Variants in SPRED2 observed in about 807,000 individuals in gnomAD.
The protein encoded by SPRED2 is sprouty-related, EVH1 domain-containing protein 2.
Under a neutral mutation model 43.0 loss-of-function variants are expected in SPRED2, and 47 were observed. The observed-to-expected ratio is 1.09, with a 90% CI of 0.87 to 1.40. The LOEUF (loss-of-function observed/expected upper bound fraction) is 1.40. SPRED2 is among the 40% of genes most tolerant of loss of function. SPRED2 has a pLI of 0.00. For synonymous variants in SPRED2, 225 were observed against 225.7 expected, an observed-to-expected ratio of 1.00 and a Z score of 0.03; for missense variants, 561 against 586.4, an observed-to-expected ratio of 0.96 and a Z score of 0.45.
intron 1 of SPRED2, among the ~76,000 whole-genome samples, chr2:65,411,016 T>C (rs184501202): frequency 6.6e-6 from 1 of 152,310 alleles, no homozygotes; most frequent in Non-Finnish European, 1.5e-5. Context: ...GGAAAACCTA[T>C]CAGAGGATGC....
intron 1 of SPRED2, among the ~76,000 whole-genome samples, chr2:65,373,525 C>G (rs1264991444): frequency 6.6e-6 from 1 of 152,198 alleles, no homozygotes; most frequent in Non-Finnish European, 1.5e-5. Context: ...CAGCTAATGT[C>G]AATATTAGCT....
intron 1 of SPRED2, among the ~76,000 whole-genome samples, chr2:65,375,415 A>C (rs1675217715): frequency 6.6e-6 from 1 of 150,550 alleles, no homozygotes. Context: ...CCCTGATCAA[A>C]TCTCAACTGA....
chr2:65,429,044 T>C (rs1302277385), intron 1 of SPRED2, among the ~76,000 whole-genome samples: 1 of 152,240 alleles, frequency 6.6e-6, no homozygotes, highest in African/African-American at 2.4e-5. Context: ...ATGGAAGATA[T>C]CTTTTGGGAC....
intron 2 of SPRED2, 89 bp from the exon 3 acceptor site, chr2:65,334,862 T>C: frequency 7.2e-7 from 1 of 1,390,138 alleles, no homozygotes; most frequent in Non-Finnish European, 1.0e-6. Flanking sequence ...CCATCACTGG[T>C]GGCAACTACC....
chr2:65,360,079 C>CAAAAAAAAAAAAAAA (rs143422380), intron 1 of SPRED2, among the ~76,000 whole-genome samples: 2 of 93,700 alleles, frequency 2.1e-5, no homozygotes, highest in African/African-American at 1.0e-4. Context: ...AAAAAAAAAA[C>CAAAAAAAAAAAAAAA]AAAAAAAAAC....
At chr2:65,393,018 T>C (rs1675673499) in intron 1 of SPRED2, among the ~76,000 whole-genome samples, 1 of 152,236 alleles carries the variant, frequency 6.6e-6, no homozygotes, top group South Asian at 2.1e-4. Flanking sequence ...GAGTTTAAAA[T>C]AGATCTCTCC....
At chr2:65,416,344 T>A (rs566507203) in intron 1 of SPRED2, among the ~76,000 whole-genome samples, 1 of 152,290 alleles carries the variant, frequency 6.6e-6, no homozygotes, top group South Asian at 2.1e-4. Context: ...GGTGTATATT[T>A]CAGGCTGCAT....
chr2:65,387,234 A>T (rs1172526921), intron 1 of SPRED2, among the ~76,000 whole-genome samples: 2 of 152,172 alleles, frequency 1.3e-5, no homozygotes, highest in African/African-American at 4.8e-5. Flanking sequence ...TACATTGCTG[A>T]CCGGAACAAT....
intron 4 of SPRED2, among the ~76,000 whole-genome samples, chr2:65,321,062 G>A (rs543560119): frequency 6.6e-6 from 1 of 152,308 alleles, no homozygotes; most frequent in East Asian, 1.9e-4. Context: ...CACTCCCCTT[G>A]CTCTCCAGTG....
intron 1 of SPRED2, among the ~76,000 whole-genome samples, chr2:65,393,827 T>C (rs1458721921): frequency 6.6e-6 from 1 of 152,180 alleles, no homozygotes; most frequent in Non-Finnish European, 1.5e-5. Context: ...CATTCAGTCA[T>C]TGTTATTGCC....
intron 1 of SPRED2, among the ~76,000 whole-genome samples, chr2:65,364,958 A>G (rs1674931521): frequency 6.6e-6 from 1 of 152,230 alleles, no homozygotes; most frequent in Non-Finnish European, 1.5e-5. Flanking sequence ...ATGGCAAAAT[A>G]TGGGTCTTAG....
At chr2:65,396,631 G>C (rs747165836) in intron 1 of SPRED2, among the ~76,000 whole-genome samples, 27 of 152,224 alleles carry the variant, frequency 1.8e-4, no homozygotes, top group Non-Finnish European at 3.1e-4. Flanking sequence ...ACAGAGATGG[G>C]TTTGTCCTGG....
At chr2:65,335,579 A>G (rs993329067) in intron 2 of SPRED2, among the ~76,000 whole-genome samples, 1 of 152,162 alleles carries the variant, frequency 6.6e-6, no homozygotes, top group African/African-American at 2.4e-5. Context: ...TGTCCAGTAT[A>G]TCTTCCCTGT....
intron 3 of SPRED2, among the ~76,000 whole-genome samples, chr2:65,332,992 A>T (rs577711676): frequency 1.6e-4 from 25 of 152,306 alleles, no homozygotes; most frequent in Middle Eastern, 3.4e-3. Context: ...TGCTGGCCAG[A>T]CGCAGTGGCT....
chr2:65,326,955 C>G (rs1444949463), intron 4 of SPRED2, among the ~76,000 whole-genome samples: 3 of 152,154 alleles, frequency 2.0e-5, no homozygotes, highest in Non-Finnish European at 4.4e-5. Context: ...ATCCTCCCAC[C>G]TCAGCCTCCC....
chr2:65,341,342 G>A (rs1284621172), intron 2 of SPRED2, among the ~76,000 whole-genome samples: 2 of 151,890 alleles, frequency 1.3e-5, no homozygotes, highest in South Asian at 4.2e-4. Flanking sequence ...ACAGGAAAAG[G>A]GGTGGGGAAA....
rs914224662 is a variant in SPRED2 at position 65,310,965 on chromosome 2, G to A, written c.*2536C>T. 1 of 981,682 alleles carries A rather than the reference G, an allele frequency of 1.0e-6. No homozygotes were observed. The highest frequency in any genetic ancestry group is 1.2e-6 in the Non-Finnish European group (1 of 826,222). The allele number at this position is 981,682 out of a possible 1,614,324, so 60.8% of individuals were successfully genotyped here. A position where few individuals can be genotyped will look rare whatever the true frequency, so the allele number is the denominator to read the frequency against. On this transcript the variant is annotated 3_prime_UTR_variant, in exon 6 of 6. Transcript: ENST00000356388. ...GAACTAAAATGTACATCATACACTTGTATATATATTTTTTACACAGAGGTA... is the reference window on the plus strand; with the variant it reads ...GAACTAAAATGTACATCATACACTTATATATATATTTTTTACACAGAGGTA...
chr2:65,340,043 A>C (rs1674133898), intron 2 of SPRED2, among the ~76,000 whole-genome samples: 1 of 152,232 alleles, frequency 6.6e-6, no homozygotes, highest in Admixed American at 6.5e-5. Context: ...CAAAAACATA[A>C]AGCCATGCCA....
At chr2:65,368,504 T>C (rs927230891) in intron 1 of SPRED2, among the ~76,000 whole-genome samples, 1 of 152,248 alleles carries the variant, frequency 6.6e-6, no homozygotes, top group Non-Finnish European at 1.5e-5. Context: ...TGAGTTTCTA[T>C]AGTATTTTGG....
Sources: allele counts gnomAD v4.1 joint callset (sites outside exome capture counted in the v4.1 genomes callset), GRCh38; gene constraint gnomAD v4.1.1; transcripts MANE v1.5; gene names NCBI Gene and HGNC (gene_info 2026-07-23, HGNC 2026-07-21).